The following NHSL1 variants were observed in gnomAD, a reference collection of about 807,000 sequenced individuals.
NHSL1 encodes NHS-like protein 1.
In NHSL1, 48 loss-of-function variants were observed where a neutral mutation model predicts 95.0. That is an observed-to-expected ratio of 0.51 (90% CI 0.40 to 0.64). NHSL1 has a LOEUF of 0.64. Ranked by LOEUF, NHSL1 falls within the 30% of genes least tolerant of loss-of-function variation. The probability of loss-of-function intolerance (pLI) is 0.00; values close to 1 mark genes in which losing one functional copy is unlikely to be tolerated. For synonymous variants in NHSL1, 783 were observed against 833.9 expected, an observed-to-expected ratio of 0.94 and a Z score of 1.05; for missense variants, 1,971 against 2,077.7, an observed-to-expected ratio of 0.95 and a Z score of 1.00.
At chr6:138,548,117 G>T (rs2128330133), upstream of NHSL1, among the ~76,000 whole-genome samples, 1 of 152,188 alleles carries the variant, frequency 6.6e-6, no homozygotes, top group East Asian at 1.9e-4. Flanking sequence ...AAGTAGCTGG[G>T]ACTACAGGTG....
intron 1 of NHSL1, among the ~76,000 whole-genome samples, chr6:138,511,397 AGAGT>A (rs911811126): frequency 5.9e-5 from 9 of 151,408 alleles, no homozygotes; most frequent in African/African-American, 1.9e-4. Context: ...AGAGAGAGAG[AGAGT>A]GTGTGTGTGT....
chr6:138,628,110 C>T (rs1398411875), intron 1 of NHSL1, among the ~76,000 whole-genome samples: 1 of 150,894 alleles, frequency 6.6e-6, no homozygotes, highest in Non-Finnish European at 1.5e-5. Flanking sequence ...GTTGGGAGTT[C>T]GAGACCAGCC....
chr6:138,671,851 T>G (rs1436733527), intron 1 of NHSL1, among the ~76,000 whole-genome samples: 2 of 152,048 alleles, frequency 1.3e-5, no homozygotes, highest in African/African-American at 4.8e-5. Flanking sequence ...GCTCGAATGG[T>G]GGACACTGCT....
chr6:138,492,724 T>C (rs574255523), intron 2 of NHSL1, among the ~76,000 whole-genome samples: 8 of 152,334 alleles, frequency 5.3e-5, no homozygotes, highest in African/African-American at 1.9e-4. Flanking sequence ...AAGAGTAGAC[T>C]AGCTCCCCAT....
At chr6:138,561,323 G>A (rs113055741) in intron 1 of NHSL1, among the ~76,000 whole-genome samples, 279 of 152,260 alleles carry the variant, frequency 1.8e-3, no homozygotes, top group African/African-American at 6.3e-3. Flanking sequence ...GCGGGGCATG[G>A]AACCGGATCA....
rs536994386 is a variant in NHSL1, at chr6:138,496,109, C to T, written c.211+110G>A. On this transcript the variant is annotated intron_variant, in intron 2 of 7. Coordinates refer to ENST00000343505, the MANE Select transcript of NHSL1 (RefSeq NM_001144060.2). ...TTTATGATATCGTATAAAGACGTAG[C>T]ATACTATACATTCAATAAAAGTAGA... 2.6e-6 allele frequency: 3 copies of T among 1,158,424 alleles called. No individual in the cohort carries two copies. The Admixed American group carries it at 7.0e-5, about 27-fold the overall frequency. 71.8% of individuals were successfully genotyped at this position (1,158,424 alleles called of 1,614,324 possible).
intron 6 of NHSL1, 107 bp from the exon 7 acceptor site, chr6:138,429,950 AC>A: frequency 8.7e-7 from 1 of 1,149,070 alleles, no homozygotes; most frequent in Non-Finnish European, 1.2e-6. Context: ...CAATGTGAGA[AC>A]CACAGGGAGA....
rs200846165 is a variant in NHSL1 at position 138,670,896 on chromosome 6, CTG to C, written c.96+21578_96+21579del. Among the ~76,000 whole-genome samples the C allele has an allele frequency of 1.8e-3, 273 of 152,270 alleles. 3 individuals are homozygous for C. The highest frequency in any genetic ancestry group is 0.015 in the East Asian group (75 of 5,170). On this transcript the variant is annotated intron_variant, in intron 1 of 3. Transcript: ENST00000491526. Reference sequence around the variant, plus strand: ...TAGGCCAAGCACAGTGGCTCAATGCCTGTAATCCCAGCACCCTGGGAGGCTGA... The same window carrying C: ...TAGGCCAAGCACAGTGGCTCAATGCCTAATCCCAGCACCCTGGGAGGCTGA...
At chr6:138,581,897 CTTTTTT>C (rs370719757) in intron 1 of NHSL1, among the ~76,000 whole-genome samples, 1 of 124,324 alleles carries the variant, frequency 8.0e-6, no homozygotes, top group Non-Finnish European at 1.7e-5. Flanking sequence ...CTTTTTCTTT[CTTTTTT>C]TTTTTTTTTT....
At chr6:138,608,917 T>C (rs1182673252) in intron 1 of NHSL1, among the ~76,000 whole-genome samples, 1 of 152,228 alleles carries the variant, frequency 6.6e-6, no homozygotes, top group African/African-American at 2.4e-5. Flanking sequence ...CCCACTGTCT[T>C]GCCCATCTAC....
chr6:138,587,443 T>A (rs1249344379), intron 1 of NHSL1, among the ~76,000 whole-genome samples: 2 of 146,318 alleles, frequency 1.4e-5, no homozygotes, highest in African/African-American at 5.1e-5. Context: ...ATTAGCCAGG[T>A]ATGATGGTGG....
At chr6:138,479,639 T>C in intron 2 of NHSL1, among the ~76,000 whole-genome samples, 1 of 152,226 alleles carries the variant, frequency 6.6e-6, no homozygotes, top group East Asian at 1.9e-4. Context: ...CATTTAAAAT[T>C]TTCAGACCAT....
chr6:138,452,085 G>A (rs1777275438), intron 3 of NHSL1, among the ~76,000 whole-genome samples: 1 of 152,194 alleles, frequency 6.6e-6, no homozygotes, highest in African/African-American at 2.4e-5. Context: ...CTTAAATGCA[G>A]TTTTGGGATC....
chr6:138,574,758 G>A (rs1160875844), upstream of NHSL1, among the ~76,000 whole-genome samples: 6 of 152,134 alleles, frequency 3.9e-5, no homozygotes, highest in East Asian at 7.7e-4. Context: ...AGGCTGAGGT[G>A]GGAGGATCGC....
At chr6:138,484,285 TG>T (rs1450454743) in intron 2 of NHSL1, among the ~76,000 whole-genome samples, 1 of 151,998 alleles carries the variant, frequency 6.6e-6, no homozygotes, top group Non-Finnish European at 1.5e-5. Context: ...GGGAGTAAGA[TG>T]TAAGAGAGGA....
At position 138,482,268 on chromosome 6, in the gene NHSL1, A is replaced by G. The variant is rs990147670; in HGVS notation, c.212-8835T>C. Among the ~76,000 whole-genome samples, 81 of 152,170 alleles carry G rather than the reference A, an allele frequency of 5.3e-4. 3 individuals are homozygous for G. The highest frequency in any genetic ancestry group is 4.4e-5 in the Non-Finnish European group (3 of 68,036). On this transcript the variant is annotated intron_variant, in intron 2 of 7. Coordinates refer to ENST00000343505, the MANE Select transcript of NHSL1 (RefSeq NM_001144060.2). ...CAAGACCAGCCTGTTCAACATGGTG[A>G]CACTCCATCTCTATTAAAAATACAA...
At chr6:138,534,251 C>T (rs1782249110) in intron 1 of NHSL1, among the ~76,000 whole-genome samples, 1 of 152,116 alleles carries the variant, frequency 6.6e-6, no homozygotes, top group South Asian at 2.1e-4. Context: ...CTTTAATCAG[C>T]AATTATCTAC....
At chr6:138,465,174 A>T (rs914210645) in intron 3 of NHSL1, among the ~76,000 whole-genome samples, 2 of 151,848 alleles carry the variant, frequency 1.3e-5, no homozygotes, top group Non-Finnish European at 2.9e-5. Context: ...ACAACTTCAT[A>T]CCCTAGGCCT....
chr6:138,437,321 C>T (rs1198158147), intron 5 of NHSL1, among the ~76,000 whole-genome samples: 981 of 74,262 alleles, frequency 0.013, 84 homozygotes, highest in African/African-American at 0.063. Flanking sequence ...TATATATATA[C>T]ACACACACAT....
Sources: allele counts gnomAD v4.1 joint callset (sites outside exome capture counted in the v4.1 genomes callset), GRCh38; gene constraint gnomAD v4.1.1; transcripts MANE v1.5; gene names NCBI Gene and HGNC (gene_info 2026-07-23, HGNC 2026-07-21).